The following SHISA9 variants were observed in gnomAD, a reference collection of about 807,000 sequenced individuals.
The protein encoded by SHISA9 is protein shisa-9.
A neutral mutation model predicts 38.0 loss-of-function variants in SHISA9; 13 were observed. The ratio of observed to expected loss-of-function variants is 0.34; its 90% CI spans 0.22 to 0.54. The LOEUF (loss-of-function observed/expected upper bound fraction) is 0.54, where lower values mean the gene tolerates loss of function less well. SHISA9 is among the 20% of genes least tolerant of loss of function. The probability of loss-of-function intolerance (pLI) is 0.91; values close to 1 mark genes in which losing one functional copy is unlikely to be tolerated. For missense variants in SHISA9, 538 were observed against 575.8 expected (o/e 0.93, Z 0.67); for synonymous variants, 275 against 242.0 (o/e 1.14, Z -1.27).
At chr16:13,461,944 A>C in the SHISA9 span, among the ~76,000 whole-genome samples, 1 of 152,230 alleles carries the variant, frequency 6.6e-6, no homozygotes, top group African/African-American at 2.4e-5. Flanking sequence ...GTATTCACCC[A>C]GGAAGTATTC....
chr16:13,372,809 T>C, the SHISA9 span, among the ~76,000 whole-genome samples: 1 of 152,136 alleles, frequency 6.6e-6, no homozygotes, highest in Non-Finnish European at 1.5e-5. Context: ...ACAGTCTTAC[T>C]CCAGAGTAGT....
chr16:13,497,236 A>G, the SHISA9 span, among the ~76,000 whole-genome samples: 1 of 152,154 alleles, frequency 6.6e-6, no homozygotes, highest in Admixed American at 6.6e-5. Flanking sequence ...GAATGATTAA[A>G]TCTGTCTAAC....
At chr16:13,278,203 C>T in the SHISA9 span, among the ~76,000 whole-genome samples, 8 of 151,962 alleles carry the variant, frequency 5.3e-5, no homozygotes, top group South Asian at 4.2e-4. Flanking sequence ...GTTCTGTTTA[C>T]GTGGTGTATC....
At chr16:13,331,622 T>A in the SHISA9 span, 9 of 152,324 alleles carry the variant, frequency 5.9e-5, no homozygotes, top group East Asian at 1.7e-3. Flanking sequence ...TCATCTGCTC[T>A]CCTCCATCAC....
the SHISA9 span, among the ~76,000 whole-genome samples, chr16:13,452,735 C>T: frequency 6.6e-6 from 1 of 151,972 alleles, no homozygotes; most frequent in Non-Finnish European, 1.5e-5. Context: ...TCAACCTCAG[C>T]TCTCATGTTG....
At chr16:13,529,893 A>G in the SHISA9 span, among the ~76,000 whole-genome samples, 1 of 152,198 alleles carries the variant, frequency 6.6e-6, no homozygotes, top group Non-Finnish European at 1.5e-5. Flanking sequence ...AGGAAATCCT[A>G]TTCTCTTGAT....
intron 2 of SHISA9, among the ~76,000 whole-genome samples, chr16:13,199,469 A>C (rs1007401072): frequency 6.6e-6 from 1 of 152,246 alleles, no homozygotes; most frequent in Non-Finnish European, 1.5e-5. Context: ...TTCCCAGAGG[A>C]AATCCAGACA....
chr16:13,459,412 G>A, the SHISA9 span, among the ~76,000 whole-genome samples: 1 of 152,118 alleles, frequency 6.6e-6, no homozygotes, highest in Non-Finnish European at 1.5e-5. Context: ...AAGGGTAGAA[G>A]GATACAAAGG....
At chr16:13,066,325 G>A (rs891456439) in intron 2 of SHISA9, among the ~76,000 whole-genome samples, 3 of 152,162 alleles carry the variant, frequency 2.0e-5, no homozygotes, top group African/African-American at 7.2e-5. Context: ...AATGAATTCT[G>A]ACTGATACAA....
the SHISA9 span, among the ~76,000 whole-genome samples, chr16:13,549,880 G>A: frequency 6.6e-6 from 1 of 152,018 alleles, no homozygotes; most frequent in Non-Finnish European, 1.5e-5. Context: ...AAAATTAGCT[G>A]GGCATGGTCG....
chr16:13,100,766 G>T (rs960439015), intron 2 of SHISA9, among the ~76,000 whole-genome samples: 3 of 152,200 alleles, frequency 2.0e-5, no homozygotes, highest in African/African-American at 7.2e-5. Flanking sequence ...GGAGTGCAGT[G>T]ATGTGATCTT....
At chr16:13,036,602 A>G (rs571906011) in intron 2 of SHISA9, among the ~76,000 whole-genome samples, 26 of 152,348 alleles carry the variant, frequency 1.7e-4, no homozygotes, top group Admixed American at 4.6e-4. Context: ...TACAATTAAA[A>G]TGCATGCACT....
chr16:13,077,541 G>A (rs1311601792), intron 2 of SHISA9, among the ~76,000 whole-genome samples: 1 of 152,156 alleles, frequency 6.6e-6, no homozygotes, highest in Non-Finnish European at 1.5e-5. Flanking sequence ...CCATTTCCAT[G>A]TTTGAGGAGC....
chr16:13,538,981 T>C, the SHISA9 span, among the ~76,000 whole-genome samples: 3 of 152,070 alleles, frequency 2.0e-5, no homozygotes, highest in African/African-American at 7.2e-5. Flanking sequence ...AATGAGTTAA[T>C]TGCAAAGCCA....
chr16:13,174,173 A>G (rs1324753510), intron 2 of SHISA9, among the ~76,000 whole-genome samples: 1 of 152,016 alleles, frequency 6.6e-6, no homozygotes, highest in Non-Finnish European at 1.5e-5. Flanking sequence ...AAAATATAGC[A>G]TTTGTTTTTT....
chr16:13,153,415 C>T (rs892507822), intron 2 of SHISA9, among the ~76,000 whole-genome samples: 3 of 152,176 alleles, frequency 2.0e-5, no homozygotes, highest in African/African-American at 7.2e-5. Flanking sequence ...GTTCCAAGGC[C>T]TAGCTCAGAG....
At chr16:13,104,289 G>T (rs976994621) in intron 2 of SHISA9, among the ~76,000 whole-genome samples, 2 of 152,048 alleles carry the variant, frequency 1.3e-5, no homozygotes, top group African/African-American at 4.8e-5. Flanking sequence ...AAACAGTTTG[G>T]CAGTTTCTTA....
the SHISA9 span, among the ~76,000 whole-genome samples, chr16:13,528,272 A>G: frequency 6.6e-6 from 1 of 152,134 alleles, no homozygotes; most frequent in Admixed American, 6.5e-5. Context: ...GAGACATAAC[A>G]TCATATAACC....
At chr16:13,085,182 G>A (rs1033286403) in intron 2 of SHISA9, among the ~76,000 whole-genome samples, 10 of 152,058 alleles carry the variant, frequency 6.6e-5, no homozygotes, top group Non-Finnish European at 4.4e-5. Context: ...AACTGGCATG[G>A]CCCTCTTTTT....
Sources: gnomAD v4.1 joint callset for allele counts (sites outside exome capture counted in the v4.1 genomes callset) on GRCh38, gnomAD v4.1.1 for gene constraint, MANE v1.5 for transcripts, NCBI Gene and HGNC (gene_info 2026-07-23, HGNC 2026-07-21) for gene names.